The following MECOM variants were observed in gnomAD, a reference collection of about 807,000 sequenced individuals.
The protein encoded by MECOM is MDS1 and EVI1 complex locus, also known as histone-lysine N-methyltransferase MECOM.
MECOM carries 13 observed loss-of-function variants against 116.3 expected under a neutral mutation model. The ratio of observed to expected loss-of-function variants is 0.11; its 90% CI spans 0.07 to 0.18. MECOM has a LOEUF of 0.18. Among genes scored for constraint, MECOM ranks in the 10% least tolerant of loss-of-function variants. The pLI is 1.00. For missense variants in MECOM, 1,299 were observed against 1,509.0 expected, an observed-to-expected ratio of 0.86 and a Z score of 2.31; for synonymous variants, 528 against 535.2, an observed-to-expected ratio of 0.99 and a Z score of 0.19.
chr3:169,596,329 A>C (rs142362424), intron 1 of MECOM, among the ~76,000 whole-genome samples: 246 of 152,308 alleles, frequency 1.6e-3, no homozygotes, highest in African/African-American at 5.2e-3. Context: ...CAAGAGAAGG[A>C]AGACAGCTGT....
rs928466129 is a variant in MECOM at position 169,533,803 on chromosome 3, G to A, written c.37+129533C>T. On this transcript the variant is annotated intron_variant, in intron 1 of 16. Coordinates refer to ENST00000651503, the MANE Select transcript of MECOM (RefSeq NM_004991.4). ...ATAGGTTATTTATTACTTACTGAAG[G>A]CTCCTCTCTCTCCAAGTCCCAGAGC... Among the ~76,000 whole-genome samples, 3 of 151,914 alleles carry A rather than the reference G, an allele frequency of 2.0e-5. No homozygotes were observed. The East Asian group carries it at 5.8e-4, about 29-fold the overall frequency.
At chr3:169,283,997 C>A (rs1303065958) in intron 2 of MECOM, among the ~76,000 whole-genome samples, 1 of 152,160 alleles carries the variant, frequency 6.6e-6, no homozygotes, top group Non-Finnish European at 1.5e-5. Flanking sequence ...CTAGTTTTCC[C>A]CACACTCACT....
chr3:169,496,875 G>A (rs1263439845), intron 1 of MECOM, among the ~76,000 whole-genome samples: 1 of 152,150 alleles, frequency 6.6e-6, no homozygotes, highest in Non-Finnish European at 1.5e-5. Flanking sequence ...AGGTAGCTGT[G>A]ATGGCTACAG....
At chr3:169,466,444 G>C (rs1748315828) in intron 1 of MECOM, among the ~76,000 whole-genome samples, 1 of 152,006 alleles carries the variant, frequency 6.6e-6, no homozygotes, top group African/African-American at 2.4e-5. Flanking sequence ...GGTGGTTTGG[G>C]GGCTATTGAT....
intron 1 of MECOM, among the ~76,000 whole-genome samples, chr3:169,425,524 T>C (rs1740501342): frequency 6.6e-6 from 1 of 152,182 alleles, no homozygotes; most frequent in African/African-American, 2.4e-5. Context: ...TAACATTTGT[T>C]GATTATGAAT....
At chr3:169,172,407 A>ATGTTTGTGTG (rs1553758531) in intron 2 of MECOM, among the ~76,000 whole-genome samples, 1 of 144,374 alleles carries the variant, frequency 6.9e-6, no homozygotes, top group East Asian at 2.1e-4. Context: ...GTACCCTTGT[A>ATGTTTGTGTG]TGTGTGTGTG....
chr3:169,484,014 TG>T, intron 1 of MECOM: 4 of 1,581,000 alleles, frequency 2.5e-6, no homozygotes, highest in Non-Finnish European at 3.5e-6. Context: ...TTCTTTTTTT[TG>T]CCCCCAAAAC....
intron 2 of MECOM, among the ~76,000 whole-genome samples, chr3:169,201,390 A>G (rs1395787249): frequency 6.6e-6 from 1 of 152,044 alleles, no homozygotes; most frequent in Non-Finnish European, 1.5e-5. Flanking sequence ...CAGAGCCAAA[A>G]TGAAATTTAA....
intron 1 of MECOM, among the ~76,000 whole-genome samples, chr3:169,532,958 G>A (rs574901663): frequency 6.6e-6 from 1 of 152,266 alleles, no homozygotes; most frequent in Non-Finnish European, 1.5e-5. Flanking sequence ...TATGAAGGTG[G>A]TATAGACAGT....
At position 169,090,168 on chromosome 3, in the gene MECOM, T is replaced by C; in HGVS notation, c.3233A>G (p.Asp1078Gly). ...VTSQNSDLLD[D>G]EEVEDEVLLD... ...CAACACCTCATCTTCAACTTCTTCA[T>C]CATCCAGCAAGTCTGAATTTTGACT... Residue 1078 changes from aspartate to glycine, a missense_variant, in exon 15 of 17, where the codon GAT (aspartate) becomes GGT (glycine). Coordinates refer to ENST00000651503, the MANE Select transcript of MECOM (RefSeq NM_004991.4). 6.2e-7 allele frequency: 1 copy of C among 1,613,558 alleles called. No individual in the cohort carries two copies. The highest frequency in any genetic ancestry group is 8.5e-7 in the Non-Finnish European group (1 of 1,179,632).
At chr3:169,586,624 A>G (rs1207188336) in intron 1 of MECOM, among the ~76,000 whole-genome samples, 2 of 152,214 alleles carry the variant, frequency 1.3e-5, no homozygotes, top group Non-Finnish European at 2.9e-5. Context: ...TTTGTGTTTC[A>G]CTAGATCCCA....
At chr3:169,092,391 C>A (rs1487198740) in intron 14 of MECOM, among the ~76,000 whole-genome samples, 1 of 151,534 alleles carries the variant, frequency 6.6e-6, no homozygotes, top group East Asian at 1.9e-4. Flanking sequence ...TATATAAATG[C>A]ATACATACAT....
At chr3:169,641,752 A>G (rs2110033433) in intron 1 of MECOM, among the ~76,000 whole-genome samples, 1 of 152,334 alleles carries the variant, frequency 6.6e-6, no homozygotes, top group East Asian at 1.9e-4. Context: ...TCTATTAACT[A>G]TCTGTCCAAA....
intron 2 of MECOM, among the ~76,000 whole-genome samples, chr3:169,373,690 C>A (rs886978672): frequency 1.3e-5 from 2 of 151,852 alleles, no homozygotes; most frequent in African/African-American, 4.8e-5. Context: ...TTATTATTGA[C>A]CCATTGACCA....
At chr3:169,366,492 A>G (rs1249001615) in intron 2 of MECOM, among the ~76,000 whole-genome samples, 1 of 151,914 alleles carries the variant, frequency 6.6e-6, no homozygotes, top group African/African-American at 2.4e-5. Context: ...AAAATGCTTC[A>G]TGTTCATCTG....
chr3:169,437,751 G>A (rs897407634), intron 1 of MECOM, among the ~76,000 whole-genome samples: 9 of 152,182 alleles, frequency 5.9e-5, no homozygotes, highest in African/African-American at 1.9e-4. Flanking sequence ...GCTAAAGGGG[G>A]TCTCAGAGTA....
At chr3:169,145,176 A>G (rs1296144704) in intron 2 of MECOM, 1 of 413,004 alleles carries the variant, frequency 2.4e-6, no homozygotes, top group East Asian at 3.2e-5. Flanking sequence ...ACACACACAC[A>G]CACACACACA....
At chr3:169,338,387 C>T (rs996283162) in intron 2 of MECOM, among the ~76,000 whole-genome samples, 4 of 152,086 alleles carry the variant, frequency 2.6e-5, no homozygotes, top group African/African-American at 9.7e-5. Flanking sequence ...TCTCCCTGCC[C>T]TAGACTGTCA....
intron 1 of MECOM, among the ~76,000 whole-genome samples, chr3:169,405,374 A>G (rs1736533106): frequency 6.6e-6 from 1 of 152,238 alleles, no homozygotes; most frequent in African/African-American, 2.4e-5. Flanking sequence ...AGCCAGACTC[A>G]GATATGCATA....
Sources: allele counts gnomAD v4.1 joint callset (sites outside exome capture counted in the v4.1 genomes callset), GRCh38; gene constraint gnomAD v4.1.1; transcripts MANE v1.5; gene names NCBI Gene and HGNC (gene_info 2026-07-23, HGNC 2026-07-21).